The following SLC18A3 variants were observed in gnomAD, a reference collection of about 807,000 sequenced individuals.
SLC18A3 encodes the protein vesicular acetylcholine transporter.
In SLC18A3, 18 loss-of-function variants were observed where a neutral mutation model predicts 24.2. The observed-to-expected ratio is 0.74, with a 90% CI of 0.51 to 1.10. The LOEUF (loss-of-function observed/expected upper bound fraction) is 1.10. SLC18A3 is among the 50% of genes least tolerant of loss of function. SLC18A3 has a pLI of 0.00. For synonymous variants in SLC18A3, 415 were observed against 355.4 expected (o/e 1.17, Z -1.89); for missense variants, 744 against 750.7 (o/e 0.99, Z 0.10).
In SLC18A3 at chr10:49,612,324, C is replaced by T. The variant is rs77758906; in HGVS notation, c.1584C>T (p.Tyr528=). Residue 528 remains tyrosine (Y), a synonymous_variant, in exon 1 of 1, where the codon TAC becomes TAT. Transcript: ENST00000374115. The stretch of plus-strand genomic sequence containing the variant: ...CGTGCGAGGACGACTACAACTACTA[C>T]TACACCCGCAGCTAGCATCCCCACT... ...FDACEDDYNY[Y]YTRS The T allele has an allele frequency of 0.019, 30,714 of 1,592,442 alleles. 341 individuals are homozygous for T. The highest frequency in any genetic ancestry group is 0.023 in the Non-Finnish European group (26,652 of 1,165,894).
In SLC18A3 at chr10:49,612,536, G is replaced by A. The variant is rs1838329805; in HGVS notation, c.*197G>A. 3 of 585,860 alleles carry A rather than the reference G, an allele frequency of 5.1e-6. No individual in the cohort carries two copies. Among genetic ancestry groups the A allele is most frequent in the Admixed American group, 3.5e-5 (1 of 28,536 alleles). 36.3% of individuals were successfully genotyped at this position (585,860 alleles called of 1,614,324 possible). A position where few individuals can be genotyped will look rare whatever the true frequency, so the allele number is the denominator to read the frequency against. On this transcript the variant is annotated 3_prime_UTR_variant, in exon 1 of 1. Coordinates refer to ENST00000374115, the MANE Select transcript of SLC18A3 (RefSeq NM_003055.3). The stretch of plus-strand genomic sequence containing the variant: ...TCTCTCTTGTCCAATGGGGCTTGGA[G>A]CACCGAGGCCAGCGAAGCCATCGCG...
chr10:49,611,843 G>GGGCTGGCTGTGAT lies in SLC18A3; in HGVS notation c.1103_1104insGGCTGGCTGTGAT (p.Ser370GlyfsTer84). On this transcript the variant is annotated frameshift_variant, in exon 1 of 1. Transcript: ENST00000374115. LOFTEE classifies it high-confidence loss of function. ...GGCGCGCTTGGGCTGGCTGTGATCGGCGCCAGCTCGTGCATCGTGCCCGCC... is the reference window on the plus strand; with the variant it reads ...GGCGCGCTTGGGCTGGCTGTGATCGGGGCTGGCTGTGATCGCCAGCTCGTGCATCGTGCCCGCC... 6.2e-7 allele frequency: 1 copy of GGGCTGGCTGTGAT among 1,604,710 alleles called. No homozygotes were observed. Among genetic ancestry groups the GGGCTGGCTGTGAT allele is most frequent in the Non-Finnish European group, 8.5e-7 (1 of 1,179,754 alleles).
At position 49,612,227 on chromosome 10, in the gene SLC18A3, C is replaced by T. The variant is rs147348659; in HGVS notation, c.1487C>T (p.Ala496Val). 4.4e-6 allele frequency: 7 copies of T among 1,609,084 alleles called. No homozygotes were observed. The Admixed American group carries it at 6.7e-5, about 15-fold the overall frequency. Residue 496 changes from alanine to valine, a missense_variant, in exon 1 of 1, where the codon GCG becomes GTG. Ala to Val is a moderately conservative substitution (Grantham distance 64). Transcript: ENST00000374115. ...LDEPPQGLYD[A>V]VRLRERPVSG... ...GAGCCACCGCAAGGTCTGTACGATGCGGTGCGCCTGCGTGAGCGTCCTGTG... is the reference window on the plus strand; with the variant it reads ...GAGCCACCGCAAGGTCTGTACGATGTGGTGCGCCTGCGTGAGCGTCCTGTG...
Position 49,610,813 on chromosome 10 carries a change from C to T in SLC18A3, c.73C>T (p.Leu25=), listed in dbSNP as rs1363484468. The T allele has an allele frequency of 6.2e-7, 1 of 1,600,376 alleles. No individual in the cohort carries two copies. The highest frequency in any genetic ancestry group is 1.3e-5 in the African/African-American group (1 of 74,702). ...GCTGTCGGAGGCTGTGGGCGCGGCG[C>T]TGCAGGAGCCCCGGCGGCAGAGGCG... is the stretch of plus-strand genomic sequence containing the variant. ...TKLSEAVGAA[L]QEPRRQRRLV... The change falls in exon 1 of 1, where the codon CTG becomes TTG. Residue 25 remains leucine (L), a synonymous_variant. Coordinates refer to ENST00000374115, the MANE Select transcript of SLC18A3 (RefSeq NM_003055.3).
Position 49,610,951 on chromosome 10 carries a change from C to G in SLC18A3, c.211C>G (p.Pro71Ala). The change falls in exon 1 of 1, where the codon CCC (proline) becomes GCC (alanine). Residue 71 changes from proline (P) to alanine (A), a missense_variant. Physicochemically the swap from Pro to Ala is conservative, Grantham distance 27. Transcript: ENST00000374115. The part of the protein sequence containing the change: ...IAHMRGGGEG[P>A]TRTPEVWEPT... ...CCACATGCGCGGGGGCGGCGAGGGC[C>G]CCACCCGGACTCCCGAGGTGTGGGA... 1.9e-6 allele frequency: 3 copies of G among 1,610,696 alleles called. No homozygotes were observed. The highest frequency in any genetic ancestry group is 2.5e-6 in the Non-Finnish European group (3 of 1,177,988).
rs1226820036 is a variant in SLC18A3 at position 49,612,114 on chromosome 10, C to G, written c.1374C>G (p.Ala458=). 9.9e-6 allele frequency: 16 copies of G among 1,612,402 alleles called. No homozygotes were observed. The highest frequency in any genetic ancestry group is 1.4e-5 in the Non-Finnish European group (16 of 1,179,372). ...FEQLSLGMGL[A]NLLYAPVLLL... ...AGCTCAGCCTTGGCATGGGACTGGC[C>G]AACCTGCTCTATGCTCCCGTCTTGC... is the stretch of plus-strand genomic sequence containing the variant. The change falls in exon 1 of 1, where the codon GCC becomes GCG. Residue 458 remains alanine, a synonymous_variant. Transcript: ENST00000374115.
In SLC18A3 at chr10:49,611,770, C is replaced by T; in HGVS notation, c.1030C>T (p.Leu344Phe). ...CGTGCCTCATGTGCTGGGCGTCTAC[C>T]TCACCGTGCGCCTGGCGGCGCGCTA... ...AFVPHVLGVY[L>F]TVRLAARYPH... The change falls in exon 1 of 1, where the codon CTC becomes TTC. Residue 344 changes from leucine (L) to phenylalanine (F), a missense_variant. Physicochemically the swap from Leu to Phe is conservative, Grantham distance 22 (BLOSUM62 0). Around this residue, in one of 3 missense-constraint regions of SLC18A3, gnomAD observed 566 missense variants for 566.2 expected, o/e 1.00. Transcript: ENST00000374115. 1 of 1,603,356 alleles carries T rather than the reference C, an allele frequency of 6.2e-7. No homozygotes were observed. The highest frequency in any genetic ancestry group is 8.5e-7 in the Non-Finnish European group (1 of 1,179,904).
Position 49,611,302 on chromosome 10 carries a change from G to A in SLC18A3, c.562G>A (p.Gly188Ser), listed in dbSNP as rs747284656. The change falls in exon 1 of 1, where the codon GGC becomes AGC. Residue 188 changes from glycine (G) to serine (S), a missense_variant. By Grantham distance (56) the Gly-to-Ser change is moderately conservative (BLOSUM62 0). Transcript: ENST00000374115. ...LFAARSLQGL[G>S]SAFADTSGIA... Reference sequence around the variant, plus strand: ...CGCGGCGCGCAGCCTGCAGGGCCTGGGCTCAGCCTTCGCCGACACGTCTGG... The same window carrying A: ...CGCGGCGCGCAGCCTGCAGGGCCTGAGCTCAGCCTTCGCCGACACGTCTGG... 1 of 1,607,914 alleles carries A rather than the reference G, an allele frequency of 6.2e-7. No individual in the cohort carries two copies. Among genetic ancestry groups the A allele is most frequent in the Non-Finnish European group, 8.5e-7 (1 of 1,179,912 alleles).
Position 49,611,801 on chromosome 10 carries a change from A to C in SLC18A3, c.1061A>C (p.His354Pro), listed in dbSNP as rs770647433. Residue 354 changes from histidine (H) to proline (P), a missense_variant, in exon 1 of 1, where the codon CAC (histidine) becomes CCC (proline). His to Pro is a moderately conservative substitution (Grantham distance 77). Around this residue, in one of 3 missense-constraint regions of SLC18A3, gnomAD observed 566 missense variants for 566.2 expected, o/e 1.00. Coordinates refer to ENST00000374115, the MANE Select transcript of SLC18A3 (RefSeq NM_003055.3). ...GTGCGCCTGGCGGCGCGCTACCCAC[A>C]CCTGCAGTGGCTGTACGGCGCGCTT... ...LTVRLAARYPHLQWLYGALGL... is the reference protein window; with the variant it reads ...LTVRLAARYPPLQWLYGALGL... The C allele has an allele frequency of 6.2e-7, 1 of 1,603,028 alleles. No homozygotes were observed. Among genetic ancestry groups the C allele is most frequent in the Non-Finnish European group, 8.5e-7 (1 of 1,179,786 alleles).
Position 49,611,544 on chromosome 10 carries a change from G to T in SLC18A3, c.804G>T (p.Ala268=), listed in dbSNP as rs1388600832. 1 of 1,603,620 alleles carries T rather than the reference G, an allele frequency of 6.2e-7. No homozygotes were observed. The highest frequency in any genetic ancestry group is 1.7e-4 in the Middle Eastern group (1 of 6,056). The change falls in exon 1 of 1, where the codon GCG becomes GCT. Residue 268 remains alanine (A), a synonymous_variant. Transcript: ENST00000374115. ...LLLAVAKPFS[A]AARARANLPV... ...TGGCAGTGGCCAAACCCTTCTCGGC[G>T]GCTGCACGGGCTCGGGCCAACCTGC...
chr10:49,611,844 C>A lies in SLC18A3; in HGVS notation c.1104C>A (p.Gly368=), dbSNP rs1280312684. The change falls in exon 1 of 1, where the codon GGC becomes GGA. Residue 368 remains glycine, a synonymous_variant. Transcript: ENST00000374115. ...GCGCGCTTGGGCTGGCTGTGATCGG[C>A]GCCAGCTCGTGCATCGTGCCCGCCT... ...LYGALGLAVI[G]ASSCIVPACR... 6.2e-6 allele frequency: 10 copies of A among 1,604,832 alleles called. No homozygotes were observed. Among genetic ancestry groups the A allele is most frequent in the Non-Finnish European group, 8.5e-6 (10 of 1,179,754 alleles).
rs974638044 is a variant in SLC18A3 at position 49,612,466 on chromosome 10, G to C, written c.*127G>C. ...AGTACCCCAGCCACTCCTCAACCTTGACTTCTGCCCAAATCCCCTCCCTGT... is the reference window on the plus strand; with the variant it reads ...AGTACCCCAGCCACTCCTCAACCTTCACTTCTGCCCAAATCCCCTCCCTGT... On this transcript the variant is annotated 3_prime_UTR_variant, in exon 1 of 1. Coordinates refer to ENST00000374115, the MANE Select transcript of SLC18A3 (RefSeq NM_003055.3). 3.3e-6 allele frequency: 3 copies of C among 920,132 alleles called. No individual in the cohort carries two copies. The highest frequency in any genetic ancestry group is 5.0e-6 in the Non-Finnish European group (3 of 600,226). 57.0% of individuals were successfully genotyped at this position (920,132 alleles called of 1,614,324 possible).
In SLC18A3 at chr10:49,610,636, G is replaced by A. The variant is rs1023589189; in HGVS notation, c.-105G>A. Reference sequence around the variant, plus strand: ...ACCTGAGGCACAGGGGAGTCTGCTCGGCCAGGACAGCCTCCCCGAAGTCCC... The same window carrying A: ...ACCTGAGGCACAGGGGAGTCTGCTCAGCCAGGACAGCCTCCCCGAAGTCCC... On this transcript the variant is annotated 5_prime_UTR_variant, in exon 1 of 1. Coordinates refer to ENST00000374115, the MANE Select transcript of SLC18A3 (RefSeq NM_003055.3). 33 of 1,205,478 alleles carry A rather than the reference G, an allele frequency of 2.7e-5. No individual in the cohort carries two copies. In the African/African-American group the frequency reaches 4.1e-4, roughly 15 times the overall value. 74.7% of individuals were successfully genotyped at this position (1,205,478 alleles called of 1,614,324 possible).
chr10:49,612,645 T>A lies in SLC18A3; in HGVS notation c.*306T>A, dbSNP rs1027394019. ...CTGCATCTGTCTGTCCTTCCTTCCA[T>A]TGCTCCCAGTGCCAAACTTGGGCCG... On this transcript the variant is annotated 3_prime_UTR_variant, in exon 1 of 1. Transcript: ENST00000374115. The A allele has an allele frequency of 5.8e-6, 2 of 345,978 alleles. No individual in the cohort carries two copies. Among genetic ancestry groups the A allele is most frequent in the Non-Finnish European group, 1.1e-5 (2 of 181,638 alleles). 21.4% of individuals were successfully genotyped at this position (345,978 alleles called of 1,614,324 possible). A position where few individuals can be genotyped will look rare whatever the true frequency, so the allele number is the denominator to read the frequency against.
Position 49,612,677 on chromosome 10 carries a change from C to A in SLC18A3, c.*338C>A, listed in dbSNP as rs1223117206. On this transcript the variant is annotated 3_prime_UTR_variant, in exon 1 of 1. Coordinates refer to ENST00000374115, the MANE Select transcript of SLC18A3 (RefSeq NM_003055.3). ...CAGTGCCAAACTTGGGCCGCTGCAC[C>A]GCGGCGCCTCCGCCCAAATCAATAA... 6.6e-6 allele frequency: 2 copies of A among 302,162 alleles called. No individual in the cohort carries two copies. The highest frequency in any genetic ancestry group is 1.3e-5 in the Non-Finnish European group (2 of 155,784). The allele number at this position is 302,162 out of a possible 1,614,324, so 18.7% of individuals were successfully genotyped here.
Position 49,610,858 on chromosome 10 carries a change from T to G in SLC18A3, c.118T>G (p.Cys40Gly). 6.2e-7 allele frequency: 1 copy of G among 1,612,724 alleles called. No homozygotes were observed. The highest frequency in any genetic ancestry group is 8.5e-7 in the Non-Finnish European group (1 of 1,179,374). ...GAGGCGCCTGGTGCTTGTTATCGTGTGCGTGGCGCTGTTACTGGACAACAT... is the reference window on the plus strand; with the variant it reads ...GAGGCGCCTGGTGCTTGTTATCGTGGGCGTGGCGCTGTTACTGGACAACAT... ...RQRRLVLVIV[C>G]VALLLDNMLY... is the part of the protein sequence containing the mutation. The change falls in exon 1 of 1, where the codon TGC (cysteine) becomes GGC (glycine). Residue 40 changes from cysteine (C) to glycine (G), a missense_variant. Physicochemically the swap from Cys to Gly is radical, Grantham distance 159 (BLOSUM62 -3). Transcript: ENST00000374115.
chr10:49,612,426 C>T lies in SLC18A3; in HGVS notation c.*87C>T. On this transcript the variant is annotated 3_prime_UTR_variant, in exon 1 of 1. Coordinates refer to ENST00000374115, the MANE Select transcript of SLC18A3 (RefSeq NM_003055.3). ...CCACTGGCCAGCTCTGGCTCAGGGC[C>T]CACCTCCTCCAGCGAGTACCCCAGC... 3 of 1,328,634 alleles carry T rather than the reference C, an allele frequency of 2.3e-6. No homozygotes were observed. Among genetic ancestry groups the T allele is most frequent in the Non-Finnish European group, 2.1e-6 (2 of 964,488 alleles). The allele number at this position is 1,328,634 out of a possible 1,614,324, so 82.3% of individuals were successfully genotyped here.
At position 49,611,895 on chromosome 10, in the gene SLC18A3, C is replaced by T. The variant is rs557909255; in HGVS notation, c.1155C>T (p.Val385=). 6 of 1,611,292 alleles carry T rather than the reference C, an allele frequency of 3.7e-6. No homozygotes were observed. The South Asian group carries it at 5.5e-5, about 15-fold the overall frequency. Residue 385 remains valine (V), a synonymous_variant, in exon 1 of 1, where the codon GTC becomes GTT. Transcript: ENST00000374115. ...PACRSFAPLV[V]SLCGLCFGIA... ...GCCGCTCCTTCGCGCCGCTAGTGGT[C>T]TCACTATGCGGCCTCTGTTTTGGCA...
rs754174017 is a variant in SLC18A3, at chr10:49,611,357, A to G, written c.617A>G (p.Glu206Gly). The change falls in exon 1 of 1, where the codon GAG becomes GGG. Residue 206 changes from glutamate (E) to glycine (G), a missense_variant. Transcript: ENST00000374115. ...GIAMIADKYPEEPERSRALGV... is the reference protein window; with the variant it reads ...GIAMIADKYPGEPERSRALGV... ...GCCATGATCGCCGATAAGTACCCGG[A>G]GGAGCCGGAGCGCAGTCGTGCACTG... 6.2e-7 allele frequency: 1 copy of G among 1,600,718 alleles called. No individual in the cohort carries two copies. The highest frequency in any genetic ancestry group is 8.5e-7 in the Non-Finnish European group (1 of 1,179,782).
Sources: gnomAD v4.1 joint callset for allele counts on GRCh38, gnomAD v4.1.1 for gene constraint, gnomAD v4.1.1 regional missense constraint, MANE v1.5 for transcripts, NCBI Gene and HGNC (gene_info 2026-07-23, HGNC 2026-07-21) for gene names.